Variants in ZCCHC7 observed in about 807,000 individuals in gnomAD.
The protein encoded by ZCCHC7 is zinc finger CCHC domain-containing protein 7.
ZCCHC7 carries 35 observed loss-of-function variants against 52.0 expected under a neutral mutation model. The ratio of observed to expected loss-of-function variants is 0.67; its 90% CI spans 0.51 to 0.89. ZCCHC7 has a LOEUF of 0.89. Ranked by LOEUF, ZCCHC7 falls within the 40% of genes least tolerant of loss-of-function variation. The probability of loss-of-function intolerance (pLI) is 0.00; values close to 1 mark genes in which losing one functional copy is unlikely to be tolerated. For missense variants in ZCCHC7, 574 were observed against 649.1 expected, an observed-to-expected ratio of 0.88 and a Z score of 1.26; for synonymous variants, 217 against 221.5, an observed-to-expected ratio of 0.98 and a Z score of 0.18.
At chr9:37,278,276 A>G (rs1328527861) in intron 2 of ZCCHC7, among the ~76,000 whole-genome samples, 1 of 152,170 alleles carries the variant, frequency 6.6e-6, no homozygotes, top group Non-Finnish European at 1.5e-5. Flanking sequence ...AGGATATAAA[A>G]TGGCATACAA....
intron 2 of ZCCHC7, among the ~76,000 whole-genome samples, chr9:37,262,941 T>C (rs1826935625): frequency 6.6e-6 from 1 of 152,202 alleles, no homozygotes; most frequent in African/African-American, 2.4e-5. Flanking sequence ...CTATCCACTT[T>C]GGGAAAAAGA....
chr9:37,199,320 CT>C (rs1240786507), intron 2 of ZCCHC7, among the ~76,000 whole-genome samples: 1 of 144,730 alleles, frequency 6.9e-6, no homozygotes, highest in East Asian at 2.0e-4. Flanking sequence ...TTTTTCTTTT[CT>C]TTCTTCTTTT....
At chr9:37,133,619 C>T (rs1276565760) in intron 2 of ZCCHC7, among the ~76,000 whole-genome samples, 7 of 151,992 alleles carry the variant, frequency 4.6e-5, no homozygotes, top group African/African-American at 9.7e-5. Flanking sequence ...GACGGAGTCT[C>T]GCTGTGTCAC....
At position 37,212,026 on chromosome 9, in the gene ZCCHC7, C is replaced by CAA. The variant is rs574190937; in HGVS notation, c.610+85122_610+85123dup. 3.7e-3 allele frequency among the ~76,000 whole-genome samples: 207 copies of CAA among 55,402 alleles called. 28 individuals carry two copies. The highest frequency in any genetic ancestry group is 0.012 in the Middle Eastern group (1 of 86). The allele number at this position is 55,402 out of a possible 152,430, so 36.3% of individuals were successfully genotyped here. On this transcript the variant is annotated intron_variant, in intron 2 of 8. Coordinates refer to ENST00000336755, the MANE Select transcript of ZCCHC7 (RefSeq NM_032226.3). ...TGGGTGACAGAGCGAGACTCCGTCTCAAAAAAAAAAAAAAAAAAAAAAAAA... is the reference window on the plus strand; with the variant it reads ...TGGGTGACAGAGCGAGACTCCGTCTCAAAAAAAAAAAAAAAAAAAAAAAAAAA...
At chr9:37,312,087 T>TTCC (rs1406546248) in intron 5 of ZCCHC7, among the ~76,000 whole-genome samples, 9 of 152,212 alleles carry the variant, frequency 5.9e-5, no homozygotes, top group Non-Finnish European at 1.3e-4. Context: ...TTCATATGAT[T>TTCC]TCCTCCCCTT....
chr9:37,350,943 A>G (rs1406053263), intron 7 of ZCCHC7, among the ~76,000 whole-genome samples: 3 of 152,248 alleles, frequency 2.0e-5, no homozygotes, highest in Non-Finnish European at 2.9e-5. Flanking sequence ...GGCAGAAAGC[A>G]TGCAGTGTTG....
intron 2 of ZCCHC7, among the ~76,000 whole-genome samples, chr9:37,147,894 G>A (rs564704335): frequency 3.4e-4 from 52 of 152,112 alleles, no homozygotes; most frequent in African/African-American, 1.1e-3. Context: ...GATTGAAAGG[G>A]AGTTTTTGCC....
At chr9:37,270,296 C>T (rs1827340586) in intron 2 of ZCCHC7, among the ~76,000 whole-genome samples, 1 of 152,082 alleles carries the variant, frequency 6.6e-6, no homozygotes, top group African/African-American at 2.4e-5. Flanking sequence ...TTGAGATATC[C>T]CAATACTGAA....
At chr9:37,245,361 AGAAAG>A (rs1826039217) in intron 2 of ZCCHC7, among the ~76,000 whole-genome samples, 1 of 152,166 alleles carries the variant, frequency 6.6e-6, no homozygotes, top group Non-Finnish European at 1.5e-5. Context: ...CTGAAATAAA[AGAAAG>A]GAATTTCCAT....
intron 2 of ZCCHC7, among the ~76,000 whole-genome samples, chr9:37,255,964 A>T (rs995126648): frequency 6.6e-6 from 1 of 152,144 alleles, no homozygotes; most frequent in Non-Finnish European, 1.5e-5. Context: ...ACTTCTTTCC[A>T]TGTAACATGT....
chr9:37,131,883 T>C (rs1266382605), intron 2 of ZCCHC7, among the ~76,000 whole-genome samples: 4 of 152,156 alleles, frequency 2.6e-5, no homozygotes, highest in African/African-American at 9.7e-5. Context: ...ATGATGGTGG[T>C]TTTGCCTGTA....
Position 37,206,372 on chromosome 9 carries a change from C to T in ZCCHC7, c.610+79430C>T, listed in dbSNP as rs777568117. Among the ~76,000 whole-genome samples the T allele has an allele frequency of 8.0e-5, 12 of 150,154 alleles. 1 individual carries two copies. The highest frequency in any genetic ancestry group is 4.2e-4 in the South Asian group (2 of 4,716). On this transcript the variant is annotated intron_variant, in intron 2 of 8. Coordinates refer to ENST00000336755, the MANE Select transcript of ZCCHC7 (RefSeq NM_032226.3). Reference sequence around the variant, plus strand: ...CCTCCCGCCTTCACCTTTCCCGCTTCGTTTTGGCAGGGTCTCCCTCTGTTG... The same window carrying T: ...CCTCCCGCCTTCACCTTTCCCGCTTTGTTTTGGCAGGGTCTCCCTCTGTTG...
intron 2 of ZCCHC7, among the ~76,000 whole-genome samples, chr9:37,174,804 T>C (rs1821927101): frequency 6.6e-6 from 1 of 152,190 alleles, no homozygotes. Flanking sequence ...TGCTATGTGC[T>C]AGGTGCTTTA....
At chr9:37,283,960 A>T (rs1301723685) in intron 2 of ZCCHC7, among the ~76,000 whole-genome samples, 1 of 151,684 alleles carries the variant, frequency 6.6e-6, no homozygotes, top group East Asian at 1.9e-4. Context: ...TTCATTTTAT[A>T]CTTTCAGACA....
chr9:37,250,867 G>T (rs954040479), intron 2 of ZCCHC7, among the ~76,000 whole-genome samples: 12 of 152,196 alleles, frequency 7.9e-5, no homozygotes, highest in Non-Finnish European at 1.2e-4. Context: ...TTTGTAAAGT[G>T]ATGGTTTTAT....
chr9:37,332,782 A>G (rs1830500627), intron 6 of ZCCHC7, among the ~76,000 whole-genome samples: 2 of 151,644 alleles, frequency 1.3e-5, no homozygotes, highest in African/African-American at 4.8e-5. Flanking sequence ...TCAAAAAGCA[A>G]TTTTCTAAAG....
chr9:37,329,494 G>C (rs1265515671), intron 6 of ZCCHC7, among the ~76,000 whole-genome samples: 1 of 151,664 alleles, frequency 6.6e-6, no homozygotes, highest in African/African-American at 2.4e-5. Context: ...TGGAATCCTG[G>C]TTAATTTTTT....
intron 5 of ZCCHC7, among the ~76,000 whole-genome samples, 186 bp downstream of exon 5, chr9:37,305,900 T>C (rs1829280087): frequency 6.6e-6 from 1 of 152,006 alleles, no homozygotes; most frequent in African/African-American, 2.4e-5. Context: ...GTGCTCTAAA[T>C]AATATAGGGG....
intron 2 of ZCCHC7, among the ~76,000 whole-genome samples, chr9:37,171,603 A>G (rs1281939423): frequency 1.3e-5 from 2 of 151,866 alleles, no homozygotes; most frequent in African/African-American, 4.8e-5. Context: ...AGTTTTTTTT[A>G]GAGATGGTGT....
Sources: allele counts gnomAD v4.1 joint callset (sites outside exome capture counted in the v4.1 genomes callset), GRCh38; gene constraint gnomAD v4.1.1; transcripts MANE v1.5; gene names NCBI Gene and HGNC (gene_info 2026-07-23, HGNC 2026-07-21).